Variants in RBM39 observed in about 807,000 individuals in gnomAD.
The protein encoded by RBM39 is RNA binding motif protein 39, also known as RNA-binding protein 39.
In RBM39, 12 loss-of-function variants were observed where a neutral mutation model predicts 79.6. The ratio of observed to expected loss-of-function variants is 0.15; its 90% CI spans 0.10 to 0.24. RBM39 has a LOEUF of 0.24. RBM39 is among the 10% of genes least tolerant of loss of function. RBM39 has a pLI of 1.00. For missense variants in RBM39, 243 were observed against 653.4 expected (o/e 0.37, Z 6.85); for synonymous variants, 185 against 208.4 (o/e 0.89, Z 0.97).
intron 14 of RBM39, 97 bp downstream of exon 14, chr20:35,707,023 A>G (rs2035820369): frequency 2.0e-6 from 1 of 489,268 alleles, no homozygotes; most frequent in African/African-American, 3.4e-5. Context: ...GCGAAACTCC[A>G]TCTTAAAAAA....
Position 35,703,501 on chromosome 20 carries a change from A to C in RBM39, c.*980T>G, listed in dbSNP as rs1284654744. On this transcript the variant is annotated 3_prime_UTR_variant, in exon 17 of 17. Coordinates refer to ENST00000253363, the MANE Select transcript of RBM39 (RefSeq NM_184234.3). ...ACAACGTGAGGGCAAGTTTCCGCAG[A>C]CTCGGAACATTTTCCCAAGAGGCAA... is the stretch of plus-strand genomic sequence containing the variant. 1 of 152,240 alleles carries C rather than the reference A, an allele frequency of 6.6e-6. No homozygotes were observed. Among genetic ancestry groups the C allele is most frequent in the African/African-American group, 2.4e-5 (1 of 41,448 alleles). 9.4% of individuals were successfully genotyped at this position (152,240 alleles called of 1,614,324 possible). A position where few individuals can be genotyped will look rare whatever the true frequency, so the allele number is the denominator to read the frequency against.
At chr20:35,707,027 T>TAAAAAA (rs58614202) in intron 14 of RBM39, 93 bp downstream of exon 14, 9 of 151,874 alleles carry the variant, frequency 5.9e-5, no homozygotes, top group African/African-American at 1.7e-4. Context: ...AACTCCATCT[T>TAAAAAA]AAAAAAAAAA....
intron 6 of RBM39, among the ~76,000 whole-genome samples, chr20:35,726,156 T>TG (rs2038662733): frequency 6.6e-6 from 1 of 152,132 alleles, no homozygotes; most frequent in Non-Finnish European, 1.5e-5. Context: ...GTTTTTGAGA[T>TG]GGAGTCTCAC....
rs980737386 is a variant in RBM39, at chr20:35,701,437, C to A, written c.*3044G>T. ...TCCCGAGTAGCTGTGATAACAGGCA[C>A]GTGCCACCATGCCTAGCTAAATTTT... On this transcript the variant is annotated 3_prime_UTR_variant, in exon 17 of 17. Coordinates refer to ENST00000253363, the MANE Select transcript of RBM39 (RefSeq NM_184234.3). 3 of 153,946 alleles carry A rather than the reference C, an allele frequency of 1.9e-5. No individual in the cohort carries two copies. The highest frequency in any genetic ancestry group is 7.2e-5 in the African/African-American group (3 of 41,424). The allele number at this position is 153,946 out of a possible 1,614,324, so 9.5% of individuals were successfully genotyped here.
At chr20:35,716,894 TCTC>T (rs1271502413) in intron 9 of RBM39, 89 bp from the exon 10 acceptor site, 6 of 827,400 alleles carry the variant, frequency 7.3e-6, no homozygotes, top group South Asian at 6.3e-5. Context: ...AATCTACCAG[TCTC>T]CTCATCCTCC....
Position 35,738,720 on chromosome 20 carries a change from A to C in RBM39, c.101+248T>G, listed in dbSNP as rs1244450068. On this transcript the variant is annotated intron_variant, in intron 3 of 16. Transcript: ENST00000253363. Reference sequence around the variant, plus strand: ...AAAACAAGACAACCTCTAATACAGAACTTGTCACCAGATTGTCATGATGGA... The same window carrying C: ...AAAACAAGACAACCTCTAATACAGACCTTGTCACCAGATTGTCATGATGGA... Among the ~76,000 whole-genome samples the C allele has an allele frequency of 2.0e-5, 3 of 152,250 alleles. No individual in the cohort carries two copies. The East Asian group carries it at 5.8e-4, about 29-fold the overall frequency.
rs937227902 is a variant in RBM39, at chr20:35,718,940, G to C, written c.826-2135C>G. On this transcript the variant is annotated intron_variant, in intron 9 of 16. Transcript: ENST00000253363. ...GGTTGCAGTGAGCTATCGCACTCCA[G>C]CCTGGGTGACAGCGCAGGACTCAGA... Among the ~76,000 whole-genome samples the C allele has an allele frequency of 4.6e-5, 7 of 151,702 alleles. No individual in the cohort carries two copies. In the East Asian group the frequency reaches 7.7e-4, roughly 17 times the overall value.
At chr20:35,725,204 T>C (rs1403385065) in intron 6 of RBM39, 49 bp from the exon 7 acceptor site, 2 of 1,267,928 alleles carry the variant, frequency 1.6e-6, no homozygotes, top group Non-Finnish European at 2.2e-6. Context: ...GATTTTAAAA[T>C]AATTTTTATC....
Position 35,728,800 on chromosome 20 carries a change from G to A in RBM39, c.416+512C>T, listed in dbSNP as rs532218118. On this transcript the variant is annotated intron_variant, in intron 6 of 16. Transcript: ENST00000253363. ...TCATAAATAAATAACTTTTGTGGCC[G>A]GGTGTGTTGGCTCACACCTGCAATC... 6.6e-5 allele frequency among the ~76,000 whole-genome samples: 10 copies of A among 151,340 alleles called. No homozygotes were observed. In the South Asian group the frequency reaches 1.0e-3, roughly 16 times the overall value.
intron 3 of RBM39, among the ~76,000 whole-genome samples, chr20:35,735,560 C>G (rs1185966195): frequency 2.0e-5 from 3 of 152,172 alleles, no homozygotes; most frequent in Non-Finnish European, 4.4e-5. Context: ...AAATGCAACA[C>G]GGCACTTTCC....
chr20:35,736,296 T>C (rs1274611314), intron 3 of RBM39, among the ~76,000 whole-genome samples: 1 of 152,160 alleles, frequency 6.6e-6, no homozygotes, highest in Non-Finnish European at 1.5e-5. Flanking sequence ...AAACCCAACC[T>C]GATCCCCACA....
rs567315245 is a variant in RBM39 at position 35,702,509 on chromosome 20, CA to C, written c.*1971del. 1.2e-3 allele frequency: 184 copies of C among 152,260 alleles called. 1 individual carries two copies. The highest frequency in any genetic ancestry group is 4.3e-3 in the African/African-American group (177 of 41,536). The allele number at this position is 152,260 out of a possible 1,614,324, so 9.4% of individuals were successfully genotyped here. A position where few individuals can be genotyped will look rare whatever the true frequency, so the allele number is the denominator to read the frequency against. On this transcript the variant is annotated 3_prime_UTR_variant, in exon 17 of 17. Transcript: ENST00000253363. ...TTTGCTGGTCCAGTTCCCTAGAAAG[CA>C]ATGACACAACAAATTTGTTAGGAAG...
At position 35,724,653 on chromosome 20, in the gene RBM39, C is replaced by G; in HGVS notation, c.604G>C (p.Val202Leu). 2 of 1,614,068 alleles carry G rather than the reference C, an allele frequency of 1.2e-6. No individual in the cohort carries two copies. The highest frequency in any genetic ancestry group is 1.7e-6 in the Non-Finnish European group (2 of 1,179,972). Residue 202 changes from valine to leucine, a missense_variant, in exon 8 of 17, where the codon GTC becomes CTC. Val to Leu is a conservative substitution (Grantham distance 32). Transcript: ENST00000253363. ...GCTAGAGGCACTGAGCTAACATCGACGAACTCCACATAAGCAATTCCTTTG... is the reference window on the plus strand; with the variant it reads ...GCTAGAGGCACTGAGCTAACATCGAGGAACTCCACATAAGCAATTCCTTTG... ...RSKGIAYVEF[V>L]DVSSVPLAIG...
At chr20:35,734,865 T>A (rs2039741078) in intron 3 of RBM39, 1 of 1,486,716 alleles carries the variant, frequency 6.7e-7, no homozygotes, top group Admixed American at 2.8e-5. Flanking sequence ...GTTATCGAAA[T>A]CCACACTAAT....
At chr20:35,717,746 T>C (rs547764483) in intron 9 of RBM39, among the ~76,000 whole-genome samples, 3 of 152,270 alleles carry the variant, frequency 2.0e-5, no homozygotes, top group African/African-American at 7.2e-5. Context: ...TCCGAGCACT[T>C]TGGGAGGCAG....
intron 12 of RBM39, among the ~76,000 whole-genome samples, chr20:35,712,435 CAAAAAA>C (rs765974114): frequency 6.1e-5 from 2 of 32,824 alleles, no homozygotes; most frequent in African/African-American, 1.1e-4. Context: ...TACTGTTATC[CAAAAAA>C]AAAAAAAAAA....
Position 35,702,389 on chromosome 20 carries a change from C to T in RBM39, c.*2092G>A, listed in dbSNP as rs2035325169. ...CGACACTATTCAAGTTACTACACTC[C>T]AACCACATTTCCTCTGAACATTATT... On this transcript the variant is annotated 3_prime_UTR_variant, in exon 17 of 17. Transcript: ENST00000253363. 1 of 152,202 alleles carries T rather than the reference C, an allele frequency of 6.6e-6. No homozygotes were observed. Among genetic ancestry groups the T allele is most frequent in the Admixed American group, 6.5e-5 (1 of 15,282 alleles). 9.4% of individuals were successfully genotyped at this position (152,202 alleles called of 1,614,324 possible).
Position 35,737,092 on chromosome 20 carries a change from A to G in RBM39, c.101+1876T>C, listed in dbSNP as rs188116415. 3.2e-3 allele frequency among the ~76,000 whole-genome samples: 478 copies of G among 149,744 alleles called. 3 individuals carry two copies. The highest frequency in any genetic ancestry group is 0.011 in the African/African-American group (459 of 40,598). On this transcript the variant is annotated intron_variant, in intron 3 of 16. Transcript: ENST00000253363. ...GCCAACATCGTGAAACCCTGTCTCT[A>G]CTAAAAACACAAAAATTGGCTGGGC...
At chr20:35,721,674 C>T in intron 9 of RBM39, 66 bp downstream of exon 9, 3 of 1,519,328 alleles carry the variant, frequency 2.0e-6, no homozygotes, top group African/African-American at 2.8e-5. Flanking sequence ...GCAAGACATA[C>T]AGAAATTATG....
Sources: allele counts gnomAD v4.1 joint callset (sites outside exome capture counted in the v4.1 genomes callset), GRCh38; gene constraint gnomAD v4.1.1; transcripts MANE v1.5; gene names NCBI Gene and HGNC (gene_info 2026-07-23, HGNC 2026-07-21).